The following MAF variants were observed in gnomAD, a reference collection of about 807,000 sequenced individuals.
MAF encodes the protein MAF bZIP transcription factor, also known as transcription factor Maf.
MAF carries 10 observed loss-of-function variants against 22.0 expected under a neutral mutation model. The ratio of observed to expected loss-of-function variants is 0.45; its 90% CI spans 0.28 to 0.77. MAF has a LOEUF of 0.77. Ranked by LOEUF, MAF falls within the 30% of genes least tolerant of loss-of-function variation. The pLI is 0.12. For synonymous variants in MAF, 337 were observed against 255.8 expected (o/e 1.32, Z -3.03); for missense variants, 544 against 548.4 (o/e 0.99, Z 0.08).
the MAF span, among the ~76,000 whole-genome samples, chr16:79,316,640 A>T: frequency 9.8e-4 from 149 of 152,258 alleles, no homozygotes; most frequent in African/African-American, 3.5e-3. Context: ...CTCTTCCAGC[A>T]TGCCAAGATA....
the MAF span, among the ~76,000 whole-genome samples, chr16:79,322,737 G>A: frequency 1.1e-4 from 17 of 151,998 alleles, no homozygotes; most frequent in African/African-American, 3.9e-4. Context: ...GAAGGTCGTG[G>A]CAGGGGGTAT....
At chr16:79,338,242 C>T in the MAF span, among the ~76,000 whole-genome samples, 2 of 152,124 alleles carry the variant, frequency 1.3e-5, no homozygotes, top group African/African-American at 4.8e-5. Flanking sequence ...GCAGGTCTTC[C>T]AAGAAATTGC....
chr16:79,377,644 C>T, the MAF span, among the ~76,000 whole-genome samples: 1 of 152,006 alleles, frequency 6.6e-6, no homozygotes, highest in African/African-American at 2.4e-5. Context: ...TTTCTTCTAG[C>T]GTTTTTATGG....
the MAF span, among the ~76,000 whole-genome samples, chr16:79,472,565 G>C: frequency 6.6e-6 from 1 of 152,106 alleles, no homozygotes; most frequent in Non-Finnish European, 1.5e-5. Flanking sequence ...GTCCACTGTA[G>C]GCAAATTTAT....
chr16:79,584,056 G>A (rs1363398765), downstream of MAF, among the ~76,000 whole-genome samples: 2 of 152,032 alleles, frequency 1.3e-5, no homozygotes, highest in Non-Finnish European at 2.9e-5. Context: ...CACTTGGGAT[G>A]AATATTTTGT....
At chr16:79,391,070 G>T in the MAF span, among the ~76,000 whole-genome samples, 2 of 152,100 alleles carry the variant, frequency 1.3e-5, no homozygotes, top group Admixed American at 6.5e-5. Flanking sequence ...GTTATCTGTG[G>T]GCTAACGAGG....
At chr16:79,506,147 T>A in the MAF span, among the ~76,000 whole-genome samples, 3 of 152,072 alleles carry the variant, frequency 2.0e-5, no homozygotes, top group East Asian at 5.8e-4. Flanking sequence ...TTTCTTGGAG[T>A]TGGATTAATG....
the MAF span, among the ~76,000 whole-genome samples, chr16:79,373,574 G>A: frequency 2.0e-5 from 3 of 151,578 alleles, no homozygotes; most frequent in Non-Finnish European, 2.9e-5. Context: ...GTAGAGACGG[G>A]GTTTTACCAT....
the MAF span, among the ~76,000 whole-genome samples, chr16:79,306,254 T>C: frequency 6.6e-6 from 1 of 152,190 alleles, no homozygotes; most frequent in Non-Finnish European, 1.5e-5. Flanking sequence ...TGTAATCCTG[T>C]GTGATGCACA....
the MAF span, among the ~76,000 whole-genome samples, chr16:79,571,053 G>A: frequency 6.6e-6 from 1 of 151,758 alleles, no homozygotes; most frequent in African/African-American, 2.4e-5. Flanking sequence ...AGCTAGAAAG[G>A]TCTGGCACTG....
the MAF span, among the ~76,000 whole-genome samples, chr16:79,469,844 C>A: frequency 6.6e-6 from 1 of 152,142 alleles, no homozygotes; most frequent in African/African-American, 2.4e-5. Context: ...ATCCACCCAC[C>A]TCGGCCTCCC....
chr16:79,556,374 G>A, the MAF span, among the ~76,000 whole-genome samples: 799 of 152,274 alleles, frequency 5.2e-3, 7 homozygotes, highest in African/African-American at 0.018. Context: ...TACCCTGAAA[G>A]TCCACAGGTT....
At chr16:79,519,361 G>C in the MAF span, among the ~76,000 whole-genome samples, 18 of 152,182 alleles carry the variant, frequency 1.2e-4, no homozygotes, top group African/African-American at 4.3e-4. Context: ...CCAGAGGTTA[G>C]GTCAGCTCTG....
the MAF span, among the ~76,000 whole-genome samples, chr16:79,539,423 G>A: frequency 6.6e-6 from 1 of 152,134 alleles, no homozygotes; most frequent in Non-Finnish European, 1.5e-5. Flanking sequence ...AGAATCACTC[G>A]AACCCAGGAG....
rs1364189912 is a variant in MAF at position 79,598,923 on chromosome 16, A to G, written c.980T>C (p.Val327Ala). 6.2e-7 allele frequency: 1 copy of G among 1,613,158 alleles called. No individual in the cohort carries two copies. Among genetic ancestry groups the G allele is most frequent in the South Asian group, 1.1e-5 (1 of 91,024 alleles). Reference protein sequence around the residue: ...ESEKNQLLQQVDHLKQEISRL... With the variant: ...ESEKNQLLQQADHLKQEISRL... Reference sequence around the variant, plus strand: ...GGAGATCTCCTGCTTGAGGTGGTCGACTTGCTGCAGCAGCTGGTTCTTCTC... The same window carrying G: ...GGAGATCTCCTGCTTGAGGTGGTCGGCTTGCTGCAGCAGCTGGTTCTTCTC... The change falls in exon 1 of 2, where the codon GTC becomes GCC. Residue 327 changes from valine (V) to alanine (A), a missense_variant. By Grantham distance (64) the Val-to-Ala change is moderately conservative (BLOSUM62 0). This residue lies in a region of MAF where 129 missense variants were observed against 113.6 expected (regional missense o/e 1.14). Transcript: ENST00000326043.
the MAF span, among the ~76,000 whole-genome samples, chr16:79,560,286 A>G: frequency 6.6e-6 from 1 of 152,112 alleles, no homozygotes; most frequent in Non-Finnish European, 1.5e-5. Flanking sequence ...TATTGGTTAA[A>G]TCATGAAGTG....
chr16:79,505,362 G>C, the MAF span, among the ~76,000 whole-genome samples: 2 of 152,144 alleles, frequency 1.3e-5, no homozygotes, highest in Non-Finnish European at 2.9e-5. Context: ...ACAATTTGAA[G>C]GGTTTTGTAT....
chr16:79,459,986 T>G, the MAF span, among the ~76,000 whole-genome samples: 11 of 152,300 alleles, frequency 7.2e-5, no homozygotes, highest in South Asian at 2.3e-3. Flanking sequence ...GTATGTGCAT[T>G]TAAAATATTC....
chr16:79,436,386 A>G, the MAF span, among the ~76,000 whole-genome samples: 1 of 152,166 alleles, frequency 6.6e-6, no homozygotes, highest in Non-Finnish European at 1.5e-5. Context: ...TCTGGCTGAG[A>G]TTAATTTATT....
Sources: allele counts gnomAD v4.1 joint callset (sites outside exome capture counted in the v4.1 genomes callset), GRCh38; gene constraint gnomAD v4.1.1; regional missense constraint gnomAD v4.1.1; transcripts MANE v1.5; gene names NCBI Gene and HGNC (gene_info 2026-07-23, HGNC 2026-07-21).